WDFY4: variants seen among roughly 807,000 people sequenced by gnomAD.
The protein encoded by WDFY4 is WD repeat- and FYVE domain-containing protein 4.
A neutral mutation model predicts 351.9 loss-of-function variants in WDFY4; 169 were observed. The observed-to-expected ratio is 0.48, with a 90% CI of 0.42 to 0.55. WDFY4 has a LOEUF of 0.55. WDFY4 is among the 20% of genes least tolerant of loss of function. The pLI is 0.00. For synonymous variants in WDFY4, 1,622 were observed against 1,574.6 expected (o/e 1.03, Z -0.71); for missense variants, 3,803 against 3,935.6 (o/e 0.97, Z 0.90).
chr10:48,802,340 C>G (rs75059369), intron 24 of WDFY4, among the ~76,000 whole-genome samples: 1 of 152,122 alleles, frequency 6.6e-6, no homozygotes, highest in Non-Finnish European at 1.5e-5. Context: ...TGGGCCACTG[C>G]GCTCCAGCTT....
chr10:48,939,942 G>T (rs1840665939), intron 47 of WDFY4, among the ~76,000 whole-genome samples: 1 of 152,240 alleles, frequency 6.6e-6, no homozygotes, highest in Non-Finnish European at 1.5e-5. Flanking sequence ...TTGTCTGAAA[G>T]GGAGGAGAGC....
rs140648833 is a variant in WDFY4 at position 48,895,430 on chromosome 10, C to A, written c.7317-2024C>A. On this transcript the variant is annotated intron_variant, in intron 44 of 61. Transcript: ENST00000325239. ...TGGCAGGACCACCTTGGGGCAGGGG[C>A]CTTTGTAGCCCTTGGCTCTCTGGGC... 2.0e-5 allele frequency among the ~76,000 whole-genome samples: 3 copies of A among 152,302 alleles called. No homozygotes were observed. In the East Asian group the frequency reaches 5.8e-4, roughly 29 times the overall value.
At chr10:48,710,692 C>G (rs2063746494) in intron 2 of WDFY4, among the ~76,000 whole-genome samples, 1 of 152,140 alleles carries the variant, frequency 6.6e-6, no homozygotes, top group African/African-American at 2.4e-5. Flanking sequence ...CCTGGAAAAG[C>G]CAGAATATCT....
chr10:48,943,940 G>T (rs917035122), intron 49 of WDFY4, among the ~76,000 whole-genome samples: 4 of 152,132 alleles, frequency 2.6e-5, no homozygotes. Context: ...TGGCTGCCTG[G>T]GTTCCTGTCC....
At chr10:48,850,100 T>A (rs2068907897) in intron 39 of WDFY4, among the ~76,000 whole-genome samples, 2 of 152,216 alleles carry the variant, frequency 1.3e-5, no homozygotes, top group African/African-American at 4.8e-5. Flanking sequence ...CCATATAATG[T>A]CATCACTGCT....
intron 44 of WDFY4, among the ~76,000 whole-genome samples, chr10:48,895,841 G>A (rs1398951773): frequency 6.6e-6 from 1 of 152,096 alleles, no homozygotes; most frequent in Non-Finnish European, 1.5e-5. Flanking sequence ...CTCTCCAAGG[G>A]GCCTCATCTC....
At chr10:48,744,617 G>C (rs756260948) in intron 12 of WDFY4, among the ~76,000 whole-genome samples, 1 of 152,168 alleles carries the variant, frequency 6.6e-6, no homozygotes, top group African/African-American at 2.4e-5. Context: ...GAGTTGGACA[G>C]TGCTTCTCTT....
chr10:48,822,601 C>T (rs1246140891), intron 35 of WDFY4, 64 bp downstream of exon 35: 9 of 1,393,588 alleles, frequency 6.5e-6, no homozygotes, highest in Non-Finnish European at 8.4e-6. Context: ...GGCTATTGTC[C>T]AGTTGGTTCC....
intron 21 of WDFY4, among the ~76,000 whole-genome samples, chr10:48,789,468 T>C (rs2066606188): frequency 2.0e-5 from 3 of 152,248 alleles, no homozygotes; most frequent in Admixed American, 2.0e-4. Context: ...TCCTATCTTC[T>C]TGCCCCTTTG....
At chr10:48,941,942 A>G (rs1840788225) in intron 48 of WDFY4, 94 bp downstream of exon 48, 1 of 1,187,722 alleles carries the variant, frequency 8.4e-7, no homozygotes, top group Admixed American at 2.1e-5. Flanking sequence ...TGGATCAACC[A>G]AGAAGGGATC....
chr10:48,726,115 C>A, intron 6 of WDFY4, 45 bp downstream of exon 6: 1 of 1,515,820 alleles, frequency 6.6e-7, no homozygotes, highest in Non-Finnish European at 8.9e-7. Context: ...CATGCAAGGG[C>A]TTCCCTTGAA....
intron 49 of WDFY4, among the ~76,000 whole-genome samples, chr10:48,945,729 CAT>C (rs572529434): frequency 1.4e-3 from 217 of 152,370 alleles, no homozygotes; most frequent in African/African-American, 5.0e-3. Flanking sequence ...CCAAGTGCCT[CAT>C]AGACAACACG....
At position 48,932,303 on chromosome 10, in the gene WDFY4, C is replaced by T. The variant is rs1840062215; in HGVS notation, c.7587-9503C>T. 2.0e-5 allele frequency among the ~76,000 whole-genome samples: 3 copies of T among 152,288 alleles called. No individual in the cohort carries two copies. In the South Asian group the frequency reaches 6.2e-4, roughly 32 times the overall value. On this transcript the variant is annotated intron_variant, in intron 47 of 61. Transcript: ENST00000325239. ...CCTCCCTCAAACCAGCTGCTCTGGG[C>T]CACTCCCCACTGGTCAGGAATCTCA...
chr10:48,787,828 TTC>T (rs1491455443), intron 20 of WDFY4, among the ~76,000 whole-genome samples: 2 of 138,396 alleles, frequency 1.4e-5, no homozygotes, highest in African/African-American at 6.5e-5. Context: ...CTTCTTCTTC[TTC>T]TTCTTCTTCT....
chr10:48,962,824 G>T (rs1197157834), intron 53 of WDFY4, among the ~76,000 whole-genome samples: 3 of 152,222 alleles, frequency 2.0e-5, no homozygotes, highest in Non-Finnish European at 4.4e-5. Context: ...GTGAGCCTGA[G>T]CATGGACAGA....
intron 57 of WDFY4, among the ~76,000 whole-genome samples, chr10:48,974,539 A>AAAAAAAAACAACT: frequency 5.5e-5 from 1 of 18,328 alleles, no homozygotes; most frequent in Non-Finnish European, 1.4e-4. Context: ...ACAACTCATG[A>AAAAAAAAACAACT]CATGAACTGC....
At chr10:48,839,845 T>C (rs999515874) in intron 39 of WDFY4, among the ~76,000 whole-genome samples, 1 of 152,270 alleles carries the variant, frequency 6.6e-6, no homozygotes, top group African/African-American at 2.4e-5. Flanking sequence ...TTGAAAAGTA[T>C]AAACTGCTCT....
At chr10:48,949,310 A>G (rs938371059) in intron 51 of WDFY4, among the ~76,000 whole-genome samples, 1 of 152,214 alleles carries the variant, frequency 6.6e-6, no homozygotes. Flanking sequence ...CCAGCAAAAG[A>G]AAGAGCCACC....
intron 5 of WDFY4, among the ~76,000 whole-genome samples, chr10:48,723,870 G>T (rs982150976): frequency 6.6e-6 from 1 of 152,048 alleles, no homozygotes; most frequent in Non-Finnish European, 1.5e-5. Context: ...GTCATCCTGG[G>T]TCCATACAAA....
Sources: gnomAD v4.1 joint callset for allele counts (sites outside exome capture counted in the v4.1 genomes callset) on GRCh38, gnomAD v4.1.1 for gene constraint, MANE v1.5 for transcripts, NCBI Gene and HGNC (gene_info 2026-07-23, HGNC 2026-07-21) for gene names.